Variants in DCBLD2 observed in about 807,000 individuals in gnomAD.
DCBLD2 encodes the protein discoidin, CUB and LCCL domain-containing protein 2.
In DCBLD2, 54 loss-of-function variants were observed where a neutral mutation model predicts 86.8. The observed-to-expected ratio is 0.62, with a 90% CI of 0.50 to 0.78. DCBLD2 has a LOEUF of 0.78. Among genes scored for constraint, DCBLD2 ranks in the 30% least tolerant of loss-of-function variants. The probability of loss-of-function intolerance (pLI) is 0.00; values close to 1 mark genes in which losing one functional copy is unlikely to be tolerated. For missense variants in DCBLD2, 908 were observed against 954.2 expected (o/e 0.95, Z 0.64); for synonymous variants, 354 against 341.3 (o/e 1.04, Z -0.41).
At chr3:98,886,219 G>GA (rs1302777564) in intron 1 of DCBLD2, among the ~76,000 whole-genome samples, 2 of 151,854 alleles carry the variant, frequency 1.3e-5, no homozygotes, top group Non-Finnish European at 2.9e-5. Flanking sequence ...TTAACATAAA[G>GA]AAATGCTTTT....
At chr3:98,860,613 C>T (rs1260610244) in intron 2 of DCBLD2, among the ~76,000 whole-genome samples, 1 of 152,148 alleles carries the variant, frequency 6.6e-6, no homozygotes, top group African/African-American at 2.4e-5. Flanking sequence ...AATTTCATAT[C>T]CAGCCAAACT....
intron 2 of DCBLD2, among the ~76,000 whole-genome samples, chr3:98,850,977 A>G (rs1201620471): frequency 6.6e-6 from 1 of 152,218 alleles, no homozygotes; most frequent in Non-Finnish European, 1.5e-5. Context: ...TGACAAACCC[A>G]CAGCCAATAT....
At chr3:98,891,316 GGAA>G (rs947230381) in intron 1 of DCBLD2, among the ~76,000 whole-genome samples, 11 of 151,928 alleles carry the variant, frequency 7.2e-5, no homozygotes, top group Non-Finnish European at 1.3e-4. Context: ...TGCAGGAAGA[GGAA>G]GAAGATTCCA....
intron 7 of DCBLD2, 72 bp from the exon 8 acceptor site, chr3:98,819,489 A>G (rs2107445169): frequency 6.7e-7 from 1 of 1,490,526 alleles, no homozygotes; most frequent in East Asian, 2.3e-5. Flanking sequence ...GCTCACTGAA[A>G]ACTTTCTATT....
chr3:98,859,470 C>A (rs1942998974), intron 2 of DCBLD2, among the ~76,000 whole-genome samples: 2 of 152,148 alleles, frequency 1.3e-5, no homozygotes, highest in African/African-American at 4.8e-5. Flanking sequence ...CTGGGAGGCA[C>A]CCCCCAGTAG....
chr3:98,901,302 C>T lies in DCBLD2; in HGVS notation c.25G>A (p.Ala9Thr), dbSNP rs1307600613. ...TGGGGACACTGCGGGCAGCGCCTGG[C>T]TCTCACCACCGCCCGGCTCGCCATC... MASRAVVRARRCPQCPQVR... is the reference protein window; with the variant it reads MASRAVVRTRRCPQCPQVR... The change falls in exon 1 of 16, where the codon GCC becomes ACC. Residue 9 changes from alanine (A) to threonine (T), a missense_variant. Physicochemically the swap from Ala to Thr is moderately conservative, Grantham distance 58 (BLOSUM62 0). This residue lies in a region of DCBLD2 where 294 missense variants were observed against 256.0 expected (regional missense o/e 1.15). Transcript: ENST00000326840. 6.8e-7 allele frequency: 1 copy of T among 1,474,864 alleles called. No individual in the cohort carries two copies. The highest frequency in any genetic ancestry group is 8.9e-7 in the Non-Finnish European group (1 of 1,122,354). 91.4% of individuals were successfully genotyped at this position (1,474,864 alleles called of 1,614,324 possible). A position where few individuals can be genotyped will look rare whatever the true frequency, so the allele number is the denominator to read the frequency against.
chr3:98,870,694 AAG>A lies in DCBLD2; in HGVS notation c.433+10844_433+10845del, dbSNP rs1349279230. ...AGAGAGAGAGAAATAGAGAAAGAAA[AAG>A]AGAGAGAAAAAAAGAAAGAAAAAGG... is the stretch of plus-strand genomic sequence containing the variant. On this transcript the variant is annotated intron_variant, in intron 2 of 15. Transcript: ENST00000326840. 5.4e-3 allele frequency among the ~76,000 whole-genome samples: 801 copies of A among 149,052 alleles called. 29 individuals are homozygous for A. The highest frequency in any genetic ancestry group is 0.019 in the African/African-American group (752 of 39,958).
At chr3:98,874,081 A>G (rs1428599509) in intron 2 of DCBLD2, among the ~76,000 whole-genome samples, 1 of 152,238 alleles carries the variant, frequency 6.6e-6, no homozygotes, top group East Asian at 1.9e-4. Context: ...TTTCCTGAGA[A>G]GAAACAGAGA....
At chr3:98,821,523 A>T (rs1942117572) in intron 6 of DCBLD2, among the ~76,000 whole-genome samples, 1 of 152,246 alleles carries the variant, frequency 6.6e-6, no homozygotes, top group Non-Finnish European at 1.5e-5. Context: ...ACTTAAATTT[A>T]TATTTAAAGT....
At chr3:98,897,430 C>T (rs1391072950) in intron 1 of DCBLD2, among the ~76,000 whole-genome samples, 5 of 151,850 alleles carry the variant, frequency 3.3e-5, no homozygotes, top group African/African-American at 1.2e-4. Context: ...GATAAGAGCC[C>T]CAATGTTTTA....
intron 1 of DCBLD2, 81 bp downstream of exon 1, chr3:98,901,041 T>C (rs1943839201): frequency 6.5e-7 from 1 of 1,530,954 alleles, no homozygotes; most frequent in African/African-American, 1.4e-5. Context: ...CCCTGCAGCG[T>C]CTGCAGATTT....
Position 98,799,590 on chromosome 3 carries a change from T to A in DCBLD2, c.2110A>T (p.Thr704Ser). 6.2e-7 allele frequency: 1 copy of A among 1,613,978 alleles called. No homozygotes were observed. The highest frequency in any genetic ancestry group is 8.5e-7 in the Non-Finnish European group (1 of 1,179,872). The change falls in exon 16 of 16, where the codon ACG (threonine) becomes TCG (serine). Residue 704 changes from threonine to serine, a missense_variant. Transcript: ENST00000326840. Reference protein sequence around the residue: ...GQPSTSTFKATGNQPPPLVGT... With the variant: ...GQPSTSTFKASGNQPPPLVGT... ...ACTAGTGGGGGAGGTTGGTTCCCCG[T>A]AGCCTTGAAAGTGGATGTGGAGGGC...
At position 98,835,552 on chromosome 3, in the gene DCBLD2, T is replaced by C. The variant is rs374599755; in HGVS notation, c.572-10186A>G. On this transcript the variant is annotated intron_variant, in intron 3 of 15. Transcript: ENST00000326840. ...CACTCCGTATGCTATTTTTTTTTCT[T>C]CTTTTTTTTTTTTTGAGACAGAGTT... is the stretch of plus-strand genomic sequence containing the variant. Among the ~76,000 whole-genome samples the C allele has an allele frequency of 1.9e-4, 29 of 151,070 alleles. No homozygotes were observed. The East Asian group carries it at 5.6e-3, about 29-fold the overall frequency.
At position 98,812,582 on chromosome 3, in the gene DCBLD2, A is replaced by G. The variant is rs1346496264; in HGVS notation, c.1213-100T>C. 12 of 1,026,540 alleles carry G rather than the reference A, an allele frequency of 1.2e-5. No individual in the cohort carries two copies. The East Asian group carries it at 2.7e-4, about 23-fold the overall frequency. 63.6% of individuals were successfully genotyped at this position (1,026,540 alleles called of 1,614,324 possible). ...TTTTGTTCTTTGCTCTAGGCCTTAA[A>G]TTACATCTGGAAAGTATGATAATAA... is the stretch of plus-strand genomic sequence containing the variant. On this transcript the variant is annotated intron_variant, in intron 9 of 15. Coordinates refer to ENST00000326840, the MANE Select transcript of DCBLD2 (RefSeq NM_080927.4).
Position 98,883,084 on chromosome 3 carries a change from T to C in DCBLD2, c.206-1317A>G, listed in dbSNP as rs111554771. Among the ~76,000 whole-genome samples, 199 of 152,318 alleles carry C rather than the reference T, an allele frequency of 1.3e-3. 1 individual carries two copies. The East Asian group carries it at 0.016, about 13-fold the overall frequency. The stretch of plus-strand genomic sequence containing the variant: ...TTCTCCACATCCTCTCCAGCATCTG[T>C]TGTTTCCTGACTTTTTAATGATTAC... On this transcript the variant is annotated intron_variant, in intron 1 of 15. Transcript: ENST00000326840.
chr3:98,885,131 T>G (rs1559799917), intron 1 of DCBLD2, among the ~76,000 whole-genome samples: 1 of 152,086 alleles, frequency 6.6e-6, no homozygotes, highest in African/African-American at 2.4e-5. Context: ...TAACCTTGTG[T>G]AGGGGGAGGG....
chr3:98,845,994 T>C (rs1291830613), intron 3 of DCBLD2, among the ~76,000 whole-genome samples: 1 of 152,256 alleles, frequency 6.6e-6, no homozygotes, highest in Non-Finnish European at 1.5e-5. Flanking sequence ...TATTTCATAG[T>C]TGCAATGAAG....
chr3:98,880,656 A>T (rs1943449241), intron 2 of DCBLD2, among the ~76,000 whole-genome samples: 1 of 152,212 alleles, frequency 6.6e-6, no homozygotes, highest in Non-Finnish European at 1.5e-5. Flanking sequence ...CAAGAACAAC[A>T]ACAATGGCCA....
chr3:98,813,134 C>T (rs1576158739), intron 9 of DCBLD2: 2 of 152,148 alleles, frequency 1.3e-5, no homozygotes, highest in Non-Finnish European at 2.9e-5. Flanking sequence ...CTCTGTCATC[C>T]AAGGAATGCA....
Sources: allele counts gnomAD v4.1 joint callset (sites outside exome capture counted in the v4.1 genomes callset), GRCh38; gene constraint gnomAD v4.1.1; regional missense constraint gnomAD v4.1.1; transcripts MANE v1.5; gene names NCBI Gene and HGNC (gene_info 2026-07-23, HGNC 2026-07-21).